Variants in PITPNM1 observed in about 807,000 individuals in gnomAD.
PITPNM1 encodes phosphatidylinositol transfer protein membrane associated 1.
A neutral mutation model predicts 133.3 loss-of-function variants in PITPNM1; 74 were observed. The observed-to-expected ratio is 0.56, with a 90% CI of 0.46 to 0.67. PITPNM1 has a LOEUF of 0.67. PITPNM1 is among the 30% of genes least tolerant of loss of function. The pLI, the probability that PITPNM1 is intolerant of heterozygous loss-of-function variation, is 0.00. For synonymous variants in PITPNM1, 738 were observed against 741.4 expected (o/e 1.00, Z 0.08); for missense variants, 1,398 against 1,739.5 (o/e 0.80, Z 3.49).
At chr11:67,496,419 G>T in intron 14 of PITPNM1, 71 bp from the exon 15 acceptor site, 1 of 1,403,196 alleles carries the variant, frequency 7.1e-7, no homozygotes, top group Non-Finnish European at 9.6e-7. Context: ...GGTAGGGGGT[G>T]TGGGAGCAGC....
chr11:67,495,859 C>G (rs1345002228), intron 15 of PITPNM1, among the ~76,000 whole-genome samples: 1 of 152,232 alleles, frequency 6.6e-6, no homozygotes, highest in Non-Finnish European at 1.5e-5. Flanking sequence ...GGGCATGCCC[C>G]GCAATAAATG....
At chr11:67,496,918 C>T (rs1478865098) in intron 14 of PITPNM1, 11 of 235,068 alleles carry the variant, frequency 4.7e-5, no homozygotes, top group Admixed American at 2.3e-4. Context: ...GGTGACAGAG[C>T]GAGACTCTGT....
Position 67,494,909 on chromosome 11 carries a change from G to A in PITPNM1, c.2679C>T (p.Ser893=), listed in dbSNP as rs757840556. ...RPQLAECEEP[S]IYSPAFPREK... ...CCCTGGGGAAGGCCGGGCTGTAGAT[G>A]GACGGCTCCTCGCATTCCGCCAGCT... The change falls in exon 18 of 24, where the codon TCC becomes TCT. Residue 893 remains serine (S), a synonymous_variant. Transcript: ENST00000356404. 4 of 1,613,010 alleles carry A rather than the reference G, an allele frequency of 2.5e-6. No homozygotes were observed. Among genetic ancestry groups the A allele is most frequent in the Non-Finnish European group, 3.4e-6 (4 of 1,179,822 alleles).
At chr11:67,495,341 C>T (rs747451443) in intron 16 of PITPNM1, 97 bp downstream of exon 16, 290 of 1,463,362 alleles carry the variant, frequency 2.0e-4, no homozygotes, top group Non-Finnish European at 2.6e-4. Context: ...CAAGTCCAGG[C>T]TGTGTGCTGG....
At position 67,501,945 on chromosome 11, in the gene PITPNM1, A is replaced by C. The variant is rs1369966578; in HGVS notation, c.557T>G (p.Leu186Arg). Reference sequence around the variant, plus strand: ...CTTGCACAGCTTATAGGCACACATAAGGGGCCCCGTCTGTGCCGCCGTCCG... The same window carrying C: ...CTTGCACAGCTTATAGGCACACATACGGGGCCCCGTCTGTGCCGCCGTCCG... ...WARTAAQTGP[L>R]MCAYKLCKVE... The change falls in exon 5 of 24, where the codon CTT becomes CGT. Residue 186 changes from leucine to arginine, a missense_variant. Physicochemically the swap from Leu to Arg is moderately radical, Grantham distance 102. Coordinates refer to ENST00000356404, the MANE Select transcript of PITPNM1 (RefSeq NM_004910.3). 23 of 1,613,412 alleles carry C rather than the reference A, an allele frequency of 1.4e-5. No homozygotes were observed. The highest frequency in any genetic ancestry group is 1.9e-5 in the Non-Finnish European group (23 of 1,180,022).
At position 67,494,080 on chromosome 11, in the gene PITPNM1, A is replaced by G; in HGVS notation, c.2860-10T>C. The G allele has an allele frequency of 6.3e-7, 1 of 1,599,054 alleles. No homozygotes were observed. On this transcript the variant is annotated splice_polypyrimidine_tract_variant and intron_variant, in intron 19 of 23. Transcript: ENST00000356404. ...TGATGTAGACATCCACCTGGAGGGG[A>G]GAAGGGGCGGGAGGTAAATGGGGGC...
chr11:67,500,229 G>T lies in PITPNM1; in HGVS notation c.833C>A (p.Ala278Asp). ...GCCAGTGTTGCTGGCCGCAGACCGG[G>T]CCTCGGTGCTCGGTTTCCCGGGGGG... ...AQPPGKPSTE[A>D]RSAASNTGTP... is the part of the protein sequence containing the mutation. Residue 278 changes from alanine to aspartate, a missense_variant, in exon 6 of 24, where the codon GCC becomes GAC. By Grantham distance (126) the Ala-to-Asp change is moderately radical. Around this residue, in one of 5 missense-constraint regions of PITPNM1, gnomAD observed 195 missense variants for 178.8 expected, o/e 1.09. Transcript: ENST00000356404. 2 of 1,604,880 alleles carry T rather than the reference G, an allele frequency of 1.2e-6. No homozygotes were observed. Among genetic ancestry groups the T allele is most frequent in the South Asian group, 2.2e-5 (2 of 91,050 alleles).
Position 67,505,183 on chromosome 11 carries a change from C to G in PITPNM1, c.-42+5G>C, listed in dbSNP as rs1267479922. 6.6e-6 allele frequency: 1 copy of G among 152,420 alleles called. No homozygotes were observed. The allele number at this position is 152,420 out of a possible 1,614,324, so 9.4% of individuals were successfully genotyped here. A position where few individuals can be genotyped will look rare whatever the true frequency, so the allele number is the denominator to read the frequency against. ...CTTGGCCCGCCTGCCGACGCCCCGG[C>G]TCACCTCTAGCTTGAGGCGGGCGCC... On this transcript the variant is annotated splice_donor_5th_base_variant and intron_variant, in intron 1 of 23. Transcript: ENST00000356404. This position sits in a 1 kb window ranked among gnomAD's most constrained non-coding sequence, Gnocchi z 5.8.
At position 67,493,060 on chromosome 11, in the gene PITPNM1, T is replaced by C. The variant is rs969910494; in HGVS notation, c.3345A>G (p.Val1115=). The stretch of plus-strand genomic sequence containing the variant: ...CATAACCGGCCACGATGTTCAGTTC[T>C]ACCTGTGGCGGGAGATGCCAATCAG... The part of the protein sequence containing the change: ...AMFLQSLVQE[V]ELNIVAGYGS... The change falls in exon 23 of 24, where the codon GTA becomes GTG. Residue 1115 remains valine (V), a splice_region_variant and synonymous_variant. Transcript: ENST00000356404. The C allele has an allele frequency of 6.2e-6, 10 of 1,612,930 alleles. No homozygotes were observed. Among genetic ancestry groups the C allele is most frequent in the Middle Eastern group, 3.3e-4 (2 of 6,056 alleles).
chr11:67,498,184 C>G lies in PITPNM1; in HGVS notation c.1623G>C (p.Gln541His). 4 of 1,613,328 alleles carry G rather than the reference C, an allele frequency of 2.5e-6. No homozygotes were observed. Among genetic ancestry groups the G allele is most frequent in the South Asian group, 2.2e-5 (2 of 91,086 alleles). The change falls in exon 11 of 24, where the codon CAG becomes CAC. Residue 541 changes from glutamine (Q) to histidine (H), a missense_variant. Coordinates refer to ENST00000356404, the MANE Select transcript of PITPNM1 (RefSeq NM_004910.3). The surrounding 1 kb of genome is among the most constrained non-coding windows in gnomAD (Gnocchi z 5.7). ...GTGAGCGCAGGAAGGCTGAGTAGGC[C>G]TGGTTGGTGCGGGCAATGACGGTGG... Reference protein sequence around the residue: ...AVATVIARTNQAYSAFLRSPE... With the variant: ...AVATVIARTNHAYSAFLRSPE...
chr11:67,491,920 G>T lies in PITPNM1; in HGVS notation c.*113C>A. The T allele has an allele frequency of 1.7e-6, 2 of 1,200,910 alleles. No individual in the cohort carries two copies. The highest frequency in any genetic ancestry group is 2.3e-6 in the Non-Finnish European group (2 of 857,374). The allele number at this position is 1,200,910 out of a possible 1,614,324, so 74.4% of individuals were successfully genotyped here. ...AGCACACGGAGATATAGGGTGTGGG[G>T]CTGGGGGGGCCAGCGCTGGGGCCAA... On this transcript the variant is annotated 3_prime_UTR_variant, in exon 24 of 24. Coordinates refer to ENST00000356404, the MANE Select transcript of PITPNM1 (RefSeq NM_004910.3).
At position 67,494,879 on chromosome 11, in the gene PITPNM1, C is replaced by T. The variant is rs1339167158; in HGVS notation, c.2709G>A (p.Lys903=). The T allele has an allele frequency of 6.2e-6, 10 of 1,612,996 alleles. No individual in the cohort carries two copies. Among genetic ancestry groups the T allele is most frequent in the Non-Finnish European group, 8.5e-6 (10 of 1,179,824 alleles). The part of the protein sequence containing the change: ...SIYSPAFPRE[K]WQRKRTQVKI... ...TGACCTGCGTGCGTTTTCGCTGCCACTTCTCCCTGGGGAAGGCCGGGCTGT... is the reference window on the plus strand; with the variant it reads ...TGACCTGCGTGCGTTTTCGCTGCCATTTCTCCCTGGGGAAGGCCGGGCTGT... The change falls in exon 18 of 24, where the codon AAG becomes AAA. Residue 903 remains lysine (K), a synonymous_variant. Coordinates refer to ENST00000356404, the MANE Select transcript of PITPNM1 (RefSeq NM_004910.3).
chr11:67,493,939 G>C lies in PITPNM1; in HGVS notation c.2991C>G (p.Pro997=), dbSNP rs138310366. 1,403 of 1,585,586 alleles carry C rather than the reference G, an allele frequency of 8.8e-4. 18 individuals carry two copies. The East Asian group carries it at 0.018, about 20-fold the overall frequency. ...PERALGIGVY[P]VRMVVRGDHT... ...GCGCTCACCTGACCACCATGCGCAC[G>C]GGGTAGACACCAATGCCCAGCGCGC... The change falls in exon 20 of 24, where the codon CCC becomes CCG. Residue 997 remains proline (P), a synonymous_variant. Coordinates refer to ENST00000356404, the MANE Select transcript of PITPNM1 (RefSeq NM_004910.3).
At position 67,493,907 on chromosome 11, in the gene PITPNM1, G is replaced by A. The variant is rs1352021930; in HGVS notation, c.3008+15C>T. The A allele has an allele frequency of 7.2e-6, 11 of 1,533,990 alleles. No individual in the cohort carries two copies. The highest frequency in any genetic ancestry group is 1.4e-5 in the African/African-American group (1 of 73,086). On this transcript the variant is annotated intron_variant, in intron 20 of 23. Transcript: ENST00000356404. ...GGCGGAGCCCTCCCGCAGAGGCCCG[G>A]CCAGCCGCGCTCACCTGACCACCAT...
intron 21 of PITPNM1, 33 bp downstream of exon 21, chr11:67,493,655 G>A (rs1002793378): frequency 4.5e-6 from 7 of 1,545,376 alleles, no homozygotes; most frequent in Non-Finnish European, 6.1e-6. Context: ...TCACCCCGGT[G>A]AAATGGGTGG....
rs1490252960 is a variant in PITPNM1 at position 67,494,931 on chromosome 11, A to C, written c.2657T>G (p.Leu886Arg). 1.2e-6 allele frequency: 2 copies of C among 1,612,588 alleles called. No homozygotes were observed. The highest frequency in any genetic ancestry group is 2.2e-5 in the South Asian group (2 of 91,084). The change falls in exon 18 of 24, where the codon CTG becomes CGG. Residue 886 changes from leucine to arginine, a missense_variant. By Grantham distance (102) the Leu-to-Arg change is moderately radical. This residue lies in a region of PITPNM1 where 574 missense variants were observed against 698.7 expected (regional missense o/e 0.82). Coordinates refer to ENST00000356404, the MANE Select transcript of PITPNM1 (RefSeq NM_004910.3). Reference sequence around the variant, plus strand: ...GATGGACGGCTCCTCGCATTCCGCCAGCTGTGGCCGCTCCTTCTCGATCAC... The same window carrying C: ...GATGGACGGCTCCTCGCATTCCGCCCGCTGTGGCCGCTCCTTCTCGATCAC... Reference protein sequence around the residue: ...RQVIEKERPQLAECEEPSIYS... With the variant: ...RQVIEKERPQRAECEEPSIYS...
chr11:67,503,935 A>T (rs1591067719), intron 2 of PITPNM1, 168 bp downstream of exon 2: 2 of 536,262 alleles, frequency 3.7e-6, no homozygotes, highest in East Asian at 3.2e-5. Flanking sequence ...GGGAAGCACC[A>T]CTCGGCCCTC....
chr11:67,503,962 A>G, intron 2 of PITPNM1, 141 bp downstream of exon 2: 1 of 588,046 alleles, frequency 1.7e-6, no homozygotes, highest in East Asian at 3.1e-5. Context: ...CTCTTCCCAC[A>G]GTCCTTCCCC....
Position 67,495,451 on chromosome 11 carries a change from A to T in PITPNM1, c.2469T>A (p.Ser823Arg), listed in dbSNP as rs764961038. 10 of 1,523,942 alleles carry T rather than the reference A, an allele frequency of 6.6e-6. No individual in the cohort carries two copies. In the East Asian group the frequency reaches 2.4e-4, roughly 36 times the overall value. 94.4% of individuals were successfully genotyped at this position (1,523,942 alleles called of 1,614,324 possible). ...TGGCTGACTTACTCTTAACCACCTC[A>T]CTGGTGGTGCTGGGGGCGGCTGGCT... Reference protein sequence around the residue: ...PAQPAAPSTTSEVVKILERWW... With the variant: ...PAQPAAPSTTREVVKILERWW... Residue 823 changes from serine (S) to arginine (R), a missense_variant, in exon 16 of 24, where the codon AGT becomes AGA. By Grantham distance (110) the Ser-to-Arg change is moderately radical (BLOSUM62 -1). Coordinates refer to ENST00000356404, the MANE Select transcript of PITPNM1 (RefSeq NM_004910.3).
Sources: allele counts gnomAD v4.1 joint callset (sites outside exome capture counted in the v4.1 genomes callset), GRCh38; gene constraint gnomAD v4.1.1; regional missense constraint gnomAD v4.1.1; non-coding constraint Gnocchi (gnomAD v3.1); transcripts MANE v1.5; gene names NCBI Gene and HGNC (gene_info 2026-07-23, HGNC 2026-07-21).